The following NCAM1 variants were observed in gnomAD, a reference collection of about 807,000 sequenced individuals.
NCAM1 encodes antigen recognized by monoclonal antibody 5.1H11.
Under a neutral mutation model 109.8 loss-of-function variants are expected in NCAM1, and 14 were observed. That is an observed-to-expected ratio of 0.13 (90% CI 0.08 to 0.20). The LOEUF (loss-of-function observed/expected upper bound fraction) is 0.20, where lower values mean the gene tolerates loss of function less well. Ranked by LOEUF, NCAM1 falls within the 10% of genes least tolerant of loss-of-function variation. The pLI is 1.00. For synonymous variants in NCAM1, 418 were observed against 442.9 expected, an observed-to-expected ratio of 0.94 and a Z score of 0.70; for missense variants, 774 against 1,109.9, an observed-to-expected ratio of 0.70 and a Z score of 4.30.
intron 1 of NCAM1, among the ~76,000 whole-genome samples, chr11:113,160,755 G>A (rs1332580780): frequency 1.3e-5 from 2 of 152,124 alleles, no homozygotes; most frequent in Admixed American, 1.3e-4. Flanking sequence ...AACAAAGAGG[G>A]TCACTGAGGG....
chr11:113,162,635 T>G (rs1276357608), intron 1 of NCAM1, among the ~76,000 whole-genome samples: 7 of 152,206 alleles, frequency 4.6e-5, no homozygotes, highest in Non-Finnish European at 8.8e-5. Context: ...TGAATTGCTG[T>G]GGAGGGATAG....
At chr11:113,016,611 G>A (rs1952211895) in intron 1 of NCAM1, among the ~76,000 whole-genome samples, 1 of 152,172 alleles carries the variant, frequency 6.6e-6, no homozygotes, top group African/African-American at 2.4e-5. Context: ...CTTGTAGGGT[G>A]TGCCAGTTGC....
In NCAM1 at chr11:112,962,428, G is replaced by T. The variant is rs568238935; in HGVS notation, c.52+764G>T. ...GGAGGGCGAGGAGGGCGTGATTGGG[G>T]CTGCCTGGTGTGTGCGCGCGCGTGT... On this transcript the variant is annotated intron_variant, in intron 1 of 19. Coordinates refer to ENST00000316851, the MANE Select transcript of NCAM1 (RefSeq NM_181351.5). This position sits in a 1 kb window ranked among gnomAD's most constrained non-coding sequence, Gnocchi z 5.6. Among the ~76,000 whole-genome samples the T allele has an allele frequency of 2.6e-5, 4 of 152,072 alleles. No homozygotes were observed. The highest frequency in any genetic ancestry group is 5.9e-5 in the Non-Finnish European group (4 of 68,004).
At chr11:113,167,195 C>T (rs1486589097) in intron 1 of NCAM1, among the ~76,000 whole-genome samples, 2 of 152,248 alleles carry the variant, frequency 1.3e-5, no homozygotes, top group Non-Finnish European at 2.9e-5. Context: ...GAAGCTTTTA[C>T]TCTTCATCAC....
chr11:113,270,388 G>A lies in NCAM1; in HGVS notation c.2332G>A (p.Ala778Thr), dbSNP rs369240260. 15 of 1,613,980 alleles carry A rather than the reference G, an allele frequency of 9.3e-6. No individual in the cohort carries two copies. Among genetic ancestry groups the A allele is most frequent in the Admixed American group, 3.3e-5 (2 of 60,030 alleles). ...CAAGGACATGGAGGAGGGCAAGGCC[G>A]CCTTCTCGTGAGTGCAGACCTGTCC... ...KGKDMEEGKA[A>T]FSKDESKEPI... is the part of the protein sequence containing the mutation. The change falls in exon 18 of 20, where the codon GCC becomes ACC. Residue 778 changes from alanine (A) to threonine (T), a missense_variant. Ala to Thr is a moderately conservative substitution (Grantham distance 58). Coordinates refer to ENST00000316851, the MANE Select transcript of NCAM1 (RefSeq NM_181351.5).
intron 1 of NCAM1, among the ~76,000 whole-genome samples, chr11:112,966,603 G>T (rs527715607): frequency 6.6e-6 from 1 of 152,294 alleles, no homozygotes; most frequent in East Asian, 1.9e-4. Flanking sequence ...AACTCTTGGG[G>T]CCAAACCTTA....
chr11:113,188,175 G>T (rs918806159), intron 1 of NCAM1, among the ~76,000 whole-genome samples: 19 of 152,314 alleles, frequency 1.2e-4, no homozygotes, highest in Admixed American at 9.8e-4. Context: ...GGGAATGAAG[G>T]TAGGGATGCT....
chr11:113,106,902 A>C (rs540391895), intron 1 of NCAM1, among the ~76,000 whole-genome samples: 67 of 152,360 alleles, frequency 4.4e-4, no homozygotes, highest in African/African-American at 1.5e-3. Context: ...TGTGGTGTGG[A>C]CTAAGACACA....
At chr11:113,196,294 C>G (rs1943853413) in intron 1 of NCAM1, among the ~76,000 whole-genome samples, 1 of 152,134 alleles carries the variant, frequency 6.6e-6, no homozygotes, top group South Asian at 2.1e-4. Flanking sequence ...CTGGAGCCCC[C>G]CATGTTATGA....
At chr11:113,129,770 C>A (rs1340757996) in intron 1 of NCAM1, among the ~76,000 whole-genome samples, 1 of 152,166 alleles carries the variant, frequency 6.6e-6, no homozygotes, top group Non-Finnish European at 1.5e-5. Flanking sequence ...TGTGAACATC[C>A]TGAATAAAGA....
intron 9 of NCAM1, among the ~76,000 whole-genome samples, chr11:113,226,397 T>C (rs889978946): frequency 7.2e-5 from 11 of 152,308 alleles, no homozygotes; most frequent in Non-Finnish European, 1.2e-4. Flanking sequence ...TAAATATATA[T>C]GCACCCAGTA....
chr11:113,024,877 A>C (rs1952490568), intron 1 of NCAM1, among the ~76,000 whole-genome samples: 1 of 152,212 alleles, frequency 6.6e-6, no homozygotes, highest in Admixed American at 6.5e-5. Context: ...ACTGCTGCAA[A>C]GTGGTAGGTG....
At chr11:112,992,611 C>T (rs1555070748) in intron 1 of NCAM1, among the ~76,000 whole-genome samples, 1 of 151,794 alleles carries the variant, frequency 6.6e-6, no homozygotes, top group East Asian at 1.9e-4. Flanking sequence ...CACCATTCTC[C>T]TGCCTCAGCC....
chr11:113,196,136 G>A (rs1287901651), intron 1 of NCAM1, among the ~76,000 whole-genome samples: 1 of 152,100 alleles, frequency 6.6e-6, no homozygotes, highest in African/African-American at 2.4e-5. Context: ...AACTGTCAGA[G>A]CTGGAATTTG....
chr11:113,180,388 T>C (rs547608731), intron 1 of NCAM1, among the ~76,000 whole-genome samples: 1 of 152,388 alleles, frequency 6.6e-6, no homozygotes, highest in East Asian at 1.9e-4. Flanking sequence ...CCAAGATTCC[T>C]TCTTGGGAAG....
chr11:112,986,395 G>T (rs781983800), intron 1 of NCAM1, among the ~76,000 whole-genome samples: 2 of 151,860 alleles, frequency 1.3e-5, no homozygotes, highest in Non-Finnish European at 2.9e-5. Flanking sequence ...TCCTTGTCTG[G>T]CTTTGATATC....
chr11:113,071,521 G>A (rs961103417), intron 1 of NCAM1, among the ~76,000 whole-genome samples: 1 of 151,348 alleles, frequency 6.6e-6, no homozygotes, highest in Non-Finnish European at 1.5e-5. Flanking sequence ...CGCCTCCTGG[G>A]TTCACACCAT....
At chr11:113,086,368 C>T (rs191507739) in intron 1 of NCAM1, among the ~76,000 whole-genome samples, 1 of 152,356 alleles carries the variant, frequency 6.6e-6, no homozygotes, top group Non-Finnish European at 1.5e-5. Context: ...ACCCCTCAGA[C>T]TCCCTGCCAA....
At chr11:113,177,489 A>T (rs1481732964) in intron 1 of NCAM1, among the ~76,000 whole-genome samples, 1 of 152,176 alleles carries the variant, frequency 6.6e-6, no homozygotes, top group African/African-American at 2.4e-5. Context: ...GCTGGAGTGC[A>T]GTGGCACGAC....
Sources: allele counts gnomAD v4.1 joint callset (sites outside exome capture counted in the v4.1 genomes callset), GRCh38; gene constraint gnomAD v4.1.1; non-coding constraint Gnocchi (gnomAD v3.1); transcripts MANE v1.5; gene names NCBI Gene and HGNC (gene_info 2026-07-23, HGNC 2026-07-21).